The following NRP2 variants were observed in gnomAD, a reference collection of about 807,000 sequenced individuals.
NRP2 encodes the protein neuropilin-2.
Under a neutral mutation model 110.4 loss-of-function variants are expected in NRP2, and 52 were observed. The ratio of observed to expected loss-of-function variants is 0.47; its 90% CI spans 0.38 to 0.59. NRP2 has a LOEUF of 0.59. NRP2 is among the 20% of genes least tolerant of loss of function. The probability of loss-of-function intolerance (pLI) is 0.00; values close to 1 mark genes in which losing one functional copy is unlikely to be tolerated. For missense variants in NRP2, 1,049 were observed against 1,203.0 expected, an observed-to-expected ratio of 0.87 and a Z score of 1.89; for synonymous variants, 508 against 468.9, an observed-to-expected ratio of 1.08 and a Z score of -1.08.
intron 12 of NRP2, among the ~76,000 whole-genome samples, chr2:205,755,851 A>G (rs996679373): frequency 6.6e-6 from 1 of 152,064 alleles, no homozygotes; most frequent in Non-Finnish European, 1.5e-5. Flanking sequence ...GAAATTTAAG[A>G]AAGGAGGTGT....
intron 14 of NRP2, among the ~76,000 whole-genome samples, chr2:205,766,512 A>G (rs989606827): frequency 5.3e-5 from 8 of 152,212 alleles, no homozygotes; most frequent in African/African-American, 1.9e-4. Flanking sequence ...GTAACTGATT[A>G]CAATACTTTA....
At chr2:205,749,911 C>A in intron 11 of NRP2, 70 bp downstream of exon 11, 1 of 1,237,068 alleles carries the variant, frequency 8.1e-7, no homozygotes, top group Non-Finnish European at 1.2e-6. Context: ...TGTGGCTGGA[C>A]AGGGACCTAG....
intron 3 of NRP2, among the ~76,000 whole-genome samples, chr2:205,718,905 G>A (rs1400669842): frequency 6.7e-6 from 1 of 148,714 alleles, no homozygotes; most frequent in Non-Finnish European, 1.5e-5. Context: ...TCATGCCATT[G>A]CACTCCAGCC....
Position 205,795,256 on chromosome 2 carries a change from G to A in NRP2, c.*198G>A. 1 of 620,924 alleles carries A rather than the reference G, an allele frequency of 1.6e-6. No homozygotes were observed. Among genetic ancestry groups the A allele is most frequent in the East Asian group, 2.9e-5 (1 of 33,978 alleles). 38.5% of individuals were successfully genotyped at this position (620,924 alleles called of 1,614,324 possible). ...CGCACAGGGGATGATTACCCTCCTA[G>A]GACCGCGGTGGCTAAGTCATTGCAG... is the stretch of plus-strand genomic sequence containing the variant. On this transcript the variant is annotated 3_prime_UTR_variant, in exon 17 of 17. Transcript: ENST00000357785.
Position 205,795,226 on chromosome 2 carries a change from G to A in NRP2, c.*168G>A, listed in dbSNP as rs2058341714. On this transcript the variant is annotated 3_prime_UTR_variant, in exon 17 of 17. Transcript: ENST00000357785. ...AGCGAGTCGCAGGAGGAAGGGAGAT[G>A]CAGCCGCACAGGGGATGATTACCCT... 2 of 744,284 alleles carry A rather than the reference G, an allele frequency of 2.7e-6. No individual in the cohort carries two copies. The highest frequency in any genetic ancestry group is 1.6e-5 in the South Asian group (1 of 62,496). The allele number at this position is 744,284 out of a possible 1,614,324, so 46.1% of individuals were successfully genotyped here. A position where few individuals can be genotyped will look rare whatever the true frequency, so the allele number is the denominator to read the frequency against.
At chr2:205,790,504 T>C (rs1274860063) in intron 15 of NRP2, among the ~76,000 whole-genome samples, 1 of 152,182 alleles carries the variant, frequency 6.6e-6, no homozygotes, top group Non-Finnish European at 1.5e-5. Flanking sequence ...CAGAAGTCAC[T>C]GGCAGGAGCC....
At chr2:205,690,888 C>T (rs1444851165) in intron 1 of NRP2, among the ~76,000 whole-genome samples, 1 of 152,152 alleles carries the variant, frequency 6.6e-6, no homozygotes, top group Non-Finnish European at 1.5e-5. Flanking sequence ...CTACCTTGAC[C>T]TACTTGTGAC....
At position 205,694,085 on chromosome 2, in the gene NRP2, A is replaced by C. The variant is rs114666556; in HGVS notation, c.74-3459A>C. On this transcript the variant is annotated intron_variant, in intron 1 of 16. Transcript: ENST00000357785. ...GGTTCTGTAGGAAGGTGAGTTCCTAAGTGAAGGGGTACAACATCCCTTTGC... is the reference window on the plus strand; with the variant it reads ...GGTTCTGTAGGAAGGTGAGTTCCTACGTGAAGGGGTACAACATCCCTTTGC... Among the ~76,000 whole-genome samples the C allele has an allele frequency of 6.1e-3, 925 of 152,346 alleles. 7 individuals are homozygous for C. The highest frequency in any genetic ancestry group is 0.02 in the African/African-American group (837 of 41,588).
intron 15 of NRP2, among the ~76,000 whole-genome samples, chr2:205,780,476 G>A (rs1003783309): frequency 6.6e-6 from 1 of 152,160 alleles, no homozygotes; most frequent in Non-Finnish European, 1.5e-5. Flanking sequence ...GAAGGGAACT[G>A]GGTTGGGCCA....
intron 9 of NRP2, among the ~76,000 whole-genome samples, chr2:205,744,164 G>C (rs2057496568): frequency 6.6e-6 from 1 of 152,140 alleles, no homozygotes; most frequent in Non-Finnish European, 1.5e-5. Context: ...ACCTGTGATA[G>C]AGCCGATTCA....
At chr2:205,713,333 G>A (rs574266767) in intron 2 of NRP2, among the ~76,000 whole-genome samples, 1 of 152,246 alleles carries the variant, frequency 6.6e-6, no homozygotes, top group Admixed American at 6.5e-5. Context: ...ATTGAATGTG[G>A]GTCATGTCCT....
At chr2:205,701,906 T>C (rs1341278712) in intron 2 of NRP2, among the ~76,000 whole-genome samples, 1 of 152,242 alleles carries the variant, frequency 6.6e-6, no homozygotes, top group Non-Finnish European at 1.5e-5. Context: ...GTCAACTTTT[T>C]CTCAATGATT....
At chr2:205,765,391 CAGCTAACAGAAACTTGG>C in intron 13 of NRP2, 66 bp from the exon 14 acceptor site, 2 of 1,108,468 alleles carry the variant, frequency 1.8e-6, no homozygotes, top group Non-Finnish European at 2.8e-6. Flanking sequence ...CTTTAAGCTG[CAGCTAACAGAAACTTGG>C]AAATCCTTGC....
chr2:205,723,495 C>A (rs2057062254), intron 4 of NRP2, among the ~76,000 whole-genome samples: 1 of 152,224 alleles, frequency 6.6e-6, no homozygotes, highest in African/African-American at 2.4e-5. Flanking sequence ...GTTTCTTCCT[C>A]TGTAGAACAG....
At chr2:205,683,555 AGTGTGTGTGTGTGTGTGTGT>A (rs60199072) in intron 1 of NRP2, among the ~76,000 whole-genome samples, 192 bp downstream of exon 1, 1 of 150,020 alleles carries the variant, frequency 6.7e-6, no homozygotes, top group Non-Finnish European at 1.5e-5. Context: ...TCCTGCTAGG[AGTGTGTGTGTGTGTGTGTGT>A]GTGTGTGTGT....
At position 205,763,866 on chromosome 2, in the gene NRP2, T is replaced by C. The variant is rs1173939765; in HGVS notation, c.2237T>C (p.Ile746Thr). ...CAGGAGAGCAAGTTGCTGTGGGTCA[T>C]CCGTGAGGACCAGGGCGGCGAGTGG... Reference protein sequence around the residue: ...ASQESKLLWVIREDQGGEWKH... With the variant: ...ASQESKLLWVTREDQGGEWKH... The change falls in exon 13 of 17, where the codon ATC becomes ACC. Residue 746 changes from isoleucine (I) to threonine (T), a missense_variant. Coordinates refer to ENST00000357785, the MANE Select transcript of NRP2 (RefSeq NM_003872.3). The surrounding 1 kb of genome is among the most constrained non-coding windows in gnomAD (Gnocchi z 4.0). 1 of 1,614,118 alleles carries C rather than the reference T, an allele frequency of 6.2e-7. No homozygotes were observed. The highest frequency in any genetic ancestry group is 1.7e-4 in the Middle Eastern group (1 of 6,060).
intron 2 of NRP2, among the ~76,000 whole-genome samples, chr2:205,704,991 C>A (rs1176367097): frequency 6.6e-6 from 1 of 152,096 alleles, no homozygotes; most frequent in Admixed American, 6.5e-5. Context: ...GGAAATATAC[C>A]AAGTGAAAAC....
rs373403080 is a variant in NRP2, at chr2:205,745,727, G to A, written c.1642-19G>A. 12 of 1,613,882 alleles carry A rather than the reference G, an allele frequency of 7.4e-6. No homozygotes were observed. The Admixed American group carries it at 1.2e-4, about 16-fold the overall frequency. On this transcript the variant is annotated intron_variant, in intron 9 of 16. Coordinates refer to ENST00000357785, the MANE Select transcript of NRP2 (RefSeq NM_003872.3). ...CTGGGTCCCACACCAGAAGGGCTGA[G>A]TGGCCTCTCTCCCTGCAGCTGTTCG...
Position 205,749,795 on chromosome 2 carries a change from C to T in NRP2, c.1857C>T (p.Thr619=), listed in dbSNP as rs777980687. 3.4e-5 allele frequency: 55 copies of T among 1,614,024 alleles called. No homozygotes were observed. Among genetic ancestry groups the T allele is most frequent in the Middle Eastern group, 3.3e-4 (2 of 6,080 alleles). Residue 619 remains threonine (T), a synonymous_variant, in exon 11 of 17, where the codon ACC becomes ACT. Coordinates refer to ENST00000357785, the MANE Select transcript of NRP2 (RefSeq NM_003872.3). ...KSEETTTPYP[T]EEEATECGEN... ...AAGAGACAACCACCCCCTACCCCAC[C>T]GAAGAGGAGGCCACAGAGTGTGGGG...
Sources: allele counts gnomAD v4.1 joint callset (sites outside exome capture counted in the v4.1 genomes callset), GRCh38; gene constraint gnomAD v4.1.1; non-coding constraint Gnocchi (gnomAD v3.1); transcripts MANE v1.5; gene names NCBI Gene and HGNC (gene_info 2026-07-23, HGNC 2026-07-21).